The following TBC1D31 variants were observed in gnomAD, a reference collection of about 807,000 sequenced individuals.
TBC1D31 encodes WD repeat domain 67.
A neutral mutation model predicts 132.9 loss-of-function variants in TBC1D31; 99 were observed. The ratio of observed to expected loss-of-function variants is 0.74; its 90% CI spans 0.63 to 0.88. The LOEUF (loss-of-function observed/expected upper bound fraction) is 0.88. Ranked by LOEUF, TBC1D31 falls within the 40% of genes least tolerant of loss-of-function variation. The probability of loss-of-function intolerance (pLI) is 0.00; values close to 1 mark genes in which losing one functional copy is unlikely to be tolerated. For synonymous variants in TBC1D31, 385 were observed against 419.4 expected (o/e 0.92, Z 1.00); for missense variants, 1,134 against 1,256.6 (o/e 0.90, Z 1.48).
At position 123,144,810 on chromosome 8, in the gene TBC1D31, G is replaced by C. The variant is rs147130740; in HGVS notation, c.2929G>C (p.Glu977Gln). 4.1e-5 allele frequency: 66 copies of C among 1,613,822 alleles called. No individual in the cohort carries two copies. The African/African-American group carries it at 8.4e-4, about 21-fold the overall frequency. ...GTCTAGAAAGTGGTTTTTAAAGCAA[G>C]AGATAAATGCGGCTGTAGAACATGC... The part of the protein sequence containing the change: ...DASRKWFLKQ[E>Q]INAAVEHAEN... The change falls in exon 20 of 22, where the codon GAG becomes CAG. Residue 977 changes from glutamate to glutamine, a missense_variant. Glu to Gln is a conservative substitution (Grantham distance 29). Coordinates refer to ENST00000287380, the MANE Select transcript of TBC1D31 (RefSeq NM_145647.4).
At chr8:123,094,589 G>A (rs71514797) in intron 5 of TBC1D31, among the ~76,000 whole-genome samples, 4 of 151,518 alleles carry the variant, frequency 2.6e-5, no homozygotes, top group Non-Finnish European at 5.9e-5. Flanking sequence ...CCCCAGGCTG[G>A]AGTGCAATGG....
intron 15 of TBC1D31, 42 bp from the exon 16 acceptor site, chr8:123,130,156 G>T (rs79263185): frequency 0.043 from 67,148 of 1,574,588 alleles, 1,998 homozygotes; most frequent in Admixed American, 0.13. Flanking sequence ...ATCATATTAG[G>T]AATTGCTGTA....
the TBC1D31 span, among the ~76,000 whole-genome samples, chr8:123,159,266 A>AG: frequency 1.2e-3 from 165 of 132,654 alleles, no homozygotes; most frequent in South Asian, 0.016. Flanking sequence ...GTATTTGAAC[A>AG]GGAAAAAAAA....
chr8:123,149,605 C>T (rs1822578703), intron 20 of TBC1D31, among the ~76,000 whole-genome samples: 1 of 152,194 alleles, frequency 6.6e-6, no homozygotes, highest in Admixed American at 6.5e-5. Flanking sequence ...GTTGCTAGGG[C>T]ACTGCCCTGC....
chr8:123,111,205 G>A (rs1431938647), intron 10 of TBC1D31, among the ~76,000 whole-genome samples: 5 of 151,526 alleles, frequency 3.3e-5, no homozygotes, highest in Admixed American at 1.3e-4. Context: ...CTCTCTTTTC[G>A]TGATGTTGTC....
chr8:123,094,789 C>G (rs996933429), intron 5 of TBC1D31, among the ~76,000 whole-genome samples: 4 of 152,168 alleles, frequency 2.6e-5, no homozygotes, highest in African/African-American at 4.8e-5. Flanking sequence ...GATCCGCCTG[C>G]CTCAGCCTCC....
At chr8:123,101,540 G>A (rs1586617742) in intron 7 of TBC1D31, among the ~76,000 whole-genome samples, 2 of 152,008 alleles carry the variant, frequency 1.3e-5, no homozygotes, top group Admixed American at 6.5e-5. Context: ...TCAGCCTCCT[G>A]AGTAGCTGGG....
chr8:123,105,345 A>C lies in TBC1D31; in HGVS notation c.1090A>C (p.Ser364Arg), dbSNP rs759430233. 6.2e-7 allele frequency: 1 copy of C among 1,608,538 alleles called. No homozygotes were observed. The highest frequency in any genetic ancestry group is 1.3e-5 in the African/African-American group (1 of 74,842). The change falls in exon 8 of 22, where the codon AGT becomes CGT. Residue 364 changes from serine to arginine, a missense_variant. Ser to Arg is a moderately radical substitution (Grantham distance 110). Transcript: ENST00000287380. ...EDLPKNKLSS[S>R]DLKMKVTSGR... Reference sequence around the variant, plus strand: ...TTTGCCCAAGAATAAACTGAGTTCCAGTGATCTTAAGATGAAAGTAACATC... The same window carrying C: ...TTTGCCCAAGAATAAACTGAGTTCCCGTGATCTTAAGATGAAAGTAACATC...
chr8:123,137,282 C>T (rs1349305974), intron 17 of TBC1D31, among the ~76,000 whole-genome samples: 3 of 152,148 alleles, frequency 2.0e-5, no homozygotes, highest in Non-Finnish European at 4.4e-5. Context: ...ACCAGTCTTG[C>T]AAAGATTGCT....
chr8:123,163,702 C>A, the TBC1D31 span, among the ~76,000 whole-genome samples: 2 of 152,008 alleles, frequency 1.3e-5, no homozygotes, highest in African/African-American at 2.4e-5. Flanking sequence ...TATTTCAATA[C>A]CTTTGGGGGG....
At chr8:123,102,139 C>A in intron 7 of TBC1D31, 1 of 422,122 alleles carries the variant, frequency 2.4e-6, no homozygotes, top group South Asian at 1.7e-5. Flanking sequence ...AAAATTCCCC[C>A]AGCTAACCAG....
At chr8:123,084,806 T>G (rs1484491495) in intron 4 of TBC1D31, among the ~76,000 whole-genome samples, 4 of 152,174 alleles carry the variant, frequency 2.6e-5, no homozygotes, top group African/African-American at 9.7e-5. Context: ...TTGTTTTGTT[T>G]TGAGACAGAA....
At chr8:123,141,817 CTGTAAATTAGAGTCACT>C (rs1167445791) in intron 18 of TBC1D31, among the ~76,000 whole-genome samples, 8 of 111,524 alleles carry the variant, frequency 7.2e-5, no homozygotes, top group African/African-American at 2.4e-4. Flanking sequence ...TTAACCTTGG[CTGTAAATTAGAGTCACT>C]TGAAGAGCTC....
In TBC1D31 at chr8:123,093,172, C is replaced by T. The variant is rs200400866; in HGVS notation, c.520-419C>T. ...CCATGTTGGCCAGGCTGGTCTCGAA[C>T]TTATGTCCTCAAGTGATCCGCCTGC... On this transcript the variant is annotated intron_variant, in intron 4 of 21. Coordinates refer to ENST00000287380, the MANE Select transcript of TBC1D31 (RefSeq NM_145647.4). 5.9e-5 allele frequency among the ~76,000 whole-genome samples: 9 copies of T among 152,166 alleles called. No individual in the cohort carries two copies. In the East Asian group the frequency reaches 1.7e-3, roughly 29 times the overall value.
At chr8:123,103,429 C>CT (rs371684611) in intron 7 of TBC1D31, 48,030 of 147,346 alleles carry the variant, frequency 0.33, 7,887 homozygotes, top group African/African-American at 0.41. Context: ...ACCTTCTTTT[C>CT]TTTTTTTTTT....
chr8:123,105,368 A>T lies in TBC1D31; in HGVS notation c.1113A>T (p.Thr371=), dbSNP rs1170233335. Residue 371 remains threonine (T), a synonymous_variant, in exon 8 of 22, where the codon ACA becomes ACT. Coordinates refer to ENST00000287380, the MANE Select transcript of TBC1D31 (RefSeq NM_145647.4). The stretch of plus-strand genomic sequence containing the variant: ...CCAGTGATCTTAAGATGAAAGTAAC[A>T]TCAGGGAGAGTACAGCAGCCAGCAA... The part of the protein sequence containing the change: ...LSSSDLKMKV[T]SGRVQQPAKS... The T allele has an allele frequency of 6.2e-7, 1 of 1,612,752 alleles. No homozygotes were observed. The highest frequency in any genetic ancestry group is 8.5e-7 in the Non-Finnish European group (1 of 1,179,308).
chr8:123,142,218 C>T (rs373976806), intron 18 of TBC1D31, 44 bp from the exon 19 acceptor site: 5 of 1,420,660 alleles, frequency 3.5e-6, no homozygotes, highest in Non-Finnish European at 4.8e-6. Flanking sequence ...ATTTTATGTA[C>T]TAGTAGTTTG....
At chr8:123,149,832 G>C (rs576571592) in intron 20 of TBC1D31, among the ~76,000 whole-genome samples, 1 of 152,184 alleles carries the variant, frequency 6.6e-6, no homozygotes, top group Non-Finnish European at 1.5e-5. Context: ...TTTAAAGTAC[G>C]TTTTACAGAA....
chr8:123,100,093 G>A (rs566333293), intron 6 of TBC1D31, among the ~76,000 whole-genome samples: 2 of 152,182 alleles, frequency 1.3e-5, no homozygotes, highest in Admixed American at 6.5e-5. Flanking sequence ...TTGGAGAGAC[G>A]CATTCAAATT....
Sources: allele counts gnomAD v4.1 joint callset (sites outside exome capture counted in the v4.1 genomes callset), GRCh38; gene constraint gnomAD v4.1.1; transcripts MANE v1.5; gene names NCBI Gene and HGNC (gene_info 2026-07-23, HGNC 2026-07-21).